DCLK1: variants seen among roughly 807,000 people sequenced by gnomAD.
DCLK1 encodes serine/threonine-protein kinase DCLK1.
Under a neutral mutation model 86.2 loss-of-function variants are expected in DCLK1, and 16 were observed. The ratio of observed to expected loss-of-function variants is 0.19; its 90% CI spans 0.13 to 0.28. The LOEUF is 0.28. DCLK1 is among the 10% of genes least tolerant of loss of function. DCLK1 has a pLI of 1.00. For missense variants in DCLK1, 590 were observed against 940.2 expected (o/e 0.63, Z 4.87); for synonymous variants, 369 against 370.5 (o/e 1.00, Z 0.05).
chr13:35,821,733 C>A (rs1402929797), intron 11 of DCLK1, among the ~76,000 whole-genome samples: 1 of 150,498 alleles, frequency 6.6e-6, no homozygotes, highest in African/African-American at 2.4e-5. Flanking sequence ...TAAATTCCAG[C>A]CTGAAGAGCC....
chr13:35,936,672 C>T (rs1876768081), intron 4 of DCLK1, among the ~76,000 whole-genome samples: 2 of 152,180 alleles, frequency 1.3e-5, no homozygotes, highest in East Asian at 1.9e-4. Flanking sequence ...ACCCGAGAGC[C>T]TCTGGCAGAA....
At chr13:35,939,836 C>CT in intron 4 of DCLK1, among the ~76,000 whole-genome samples, 1 of 152,212 alleles carries the variant, frequency 6.6e-6, no homozygotes, top group Non-Finnish European at 1.5e-5. Flanking sequence ...CCTTATAATC[C>CT]AATTAAAATT....
intron 4 of DCLK1, among the ~76,000 whole-genome samples, chr13:35,923,758 C>A (rs1295477766): frequency 6.6e-6 from 1 of 152,106 alleles, no homozygotes; most frequent in African/African-American, 2.4e-5. Context: ...ACATAAGCCA[C>A]ACACCTGTCC....
chr13:35,788,218 C>T, intron 16 of DCLK1: 1 of 1,613,852 alleles, frequency 6.2e-7, no homozygotes, highest in Non-Finnish European at 8.5e-7. Flanking sequence ...ATACCTTATC[C>T]AATACATTCC....
rs1167843979 is a variant in DCLK1, at chr13:36,115,317, T to G, written c.377-3102A>C. Among the ~76,000 whole-genome samples the G allele has an allele frequency of 5.2e-5, 7 of 134,726 alleles. No homozygotes were observed. The Admixed American group carries it at 5.3e-4, about 10-fold the overall frequency. The allele number at this position is 134,726 out of a possible 152,430, so 88.4% of individuals were successfully genotyped here. A position where few individuals can be genotyped will look rare whatever the true frequency, so the allele number is the denominator to read the frequency against. On this transcript the variant is annotated intron_variant, in intron 2 of 16. Coordinates refer to ENST00000360631, the MANE Select transcript of DCLK1 (RefSeq NM_001330071.2). ...TTCTACTGCAACAATGAAATAAAAG[T>G]GAATTTATCTTAAACAAACAAACAA...
rs775847658 is a variant in DCLK1, at chr13:35,793,460, T to C, written c.1964A>G (p.Asn655Ser). The change falls in exon 16 of 17, where the codon AAT (asparagine) becomes AGT (serine). Residue 655 changes from asparagine (N) to serine (S), a missense_variant. Transcript: ENST00000360631. The part of the protein sequence containing the change: ...PWVNDDGLPE[N>S]EHQLSVAGKI... ...TCCAGCTACTGACAGCTGATGTTCA[T>C]TTTCTGGGAGGCCATCATCCTGGAG... 4.3e-5 allele frequency: 69 copies of C among 1,605,626 alleles called. No homozygotes were observed. The highest frequency in any genetic ancestry group is 5.9e-5 in the Non-Finnish European group (69 of 1,175,920).
chr13:35,967,230 G>A (rs1396105960), intron 3 of DCLK1, among the ~76,000 whole-genome samples: 2 of 149,770 alleles, frequency 1.3e-5, no homozygotes, highest in African/African-American at 2.5e-5. Context: ...CTGCCCGGCC[G>A]CCGCCCCGTC....
At chr13:35,785,485 G>A (rs550232705) in intron 16 of DCLK1, among the ~76,000 whole-genome samples, 2 of 152,252 alleles carry the variant, frequency 1.3e-5, no homozygotes, top group East Asian at 3.9e-4. Flanking sequence ...TCCTGGATGC[G>A]TGGGTCAAGT....
intron 3 of DCLK1, among the ~76,000 whole-genome samples, chr13:36,091,098 A>T (rs1304871445): frequency 1.3e-5 from 2 of 152,174 alleles, no homozygotes; most frequent in African/African-American, 4.8e-5. Flanking sequence ...CCTTTGTCAG[A>T]TGGGTAGATT....
At chr13:35,827,382 T>C (rs1400371135) in intron 10 of DCLK1, among the ~76,000 whole-genome samples, 1 of 152,124 alleles carries the variant, frequency 6.6e-6, no homozygotes, top group Non-Finnish European at 1.5e-5. Context: ...TAAGCAGATA[T>C]TATTAATATT....
At chr13:35,888,090 T>C (rs1873405059) in intron 4 of DCLK1, among the ~76,000 whole-genome samples, 2 of 152,120 alleles carry the variant, frequency 1.3e-5, no homozygotes, top group Non-Finnish European at 1.5e-5. Flanking sequence ...TAATTCTATG[T>C]GTCCTACTCT....
chr13:36,107,740 C>T (rs1885450686), intron 3 of DCLK1, among the ~76,000 whole-genome samples: 1 of 152,056 alleles, frequency 6.6e-6, no homozygotes, highest in African/African-American at 2.4e-5. Flanking sequence ...TTTAGCAGCT[C>T]AAGAAAGCCA....
At chr13:36,103,433 A>G (rs1276555791) in intron 3 of DCLK1, among the ~76,000 whole-genome samples, 4 of 151,264 alleles carry the variant, frequency 2.6e-5, no homozygotes, top group Admixed American at 6.6e-5. Context: ...AAGACAAAGG[A>G]AAAAAGACCG....
Position 35,826,539 on chromosome 13 carries a change from AAAAG to A in DCLK1, c.1407+1092_1407+1095del, listed in dbSNP as rs1555342383. ...ACTCCATCTCAAAAAAAAAAAAAAA[AAAAG>A]AAAGAAAGAAAGAAAGAAACAAGTC... On this transcript the variant is annotated intron_variant, in intron 10 of 16. Transcript: ENST00000360631. 1.2e-3 allele frequency among the ~76,000 whole-genome samples: 53 copies of A among 45,270 alleles called. 7 individuals carry two copies. The highest frequency in any genetic ancestry group is 2.2e-3 in the Non-Finnish European group (41 of 18,476). The allele number at this position is 45,270 out of a possible 152,430, so 29.7% of individuals were successfully genotyped here. A position where few individuals can be genotyped will look rare whatever the true frequency, so the allele number is the denominator to read the frequency against.
chr13:36,030,944 T>C (rs117033429), intron 3 of DCLK1, among the ~76,000 whole-genome samples: 1 of 152,200 alleles, frequency 6.6e-6, no homozygotes, highest in Non-Finnish European at 1.5e-5. Flanking sequence ...GGAGGCATTG[T>C]TCCCTTAGCA....
intron 3 of DCLK1, among the ~76,000 whole-genome samples, chr13:35,956,204 TA>T (rs1312912923): frequency 1.3e-5 from 2 of 152,180 alleles, no homozygotes; most frequent in African/African-American, 4.8e-5. Context: ...GAAGCTAACC[TA>T]AATCAATTAC....
At chr13:35,791,457 A>G (rs1233958032) in intron 16 of DCLK1, among the ~76,000 whole-genome samples, 1 of 152,128 alleles carries the variant, frequency 6.6e-6, no homozygotes, top group Non-Finnish European at 1.5e-5. Flanking sequence ...AAGTGGTCCA[A>G]TCATGACATT....
intron 16 of DCLK1, among the ~76,000 whole-genome samples, chr13:35,783,079 T>C (rs2086558311): frequency 6.6e-6 from 1 of 152,278 alleles, no homozygotes; most frequent in African/African-American, 2.4e-5. Flanking sequence ...CATTTTAAAC[T>C]TATACTTCAT....
At chr13:35,975,785 G>C (rs895328019) in intron 3 of DCLK1, among the ~76,000 whole-genome samples, 3 of 152,120 alleles carry the variant, frequency 2.0e-5, no homozygotes, top group African/African-American at 7.2e-5. Flanking sequence ...GTGGAAACCT[G>C]ATGTCTAATG....
Sources: gnomAD v4.1 joint callset for allele counts (sites outside exome capture counted in the v4.1 genomes callset) on GRCh38, gnomAD v4.1.1 for gene constraint, MANE v1.5 for transcripts, NCBI Gene and HGNC (gene_info 2026-07-23, HGNC 2026-07-21) for gene names.